The following PCID2 variants were observed in gnomAD, a reference collection of about 807,000 sequenced individuals.
PCID2 encodes the protein PCI domain-containing protein 2.
Under a neutral mutation model 61.3 loss-of-function variants are expected in PCID2, and 41 were observed. That is an observed-to-expected ratio of 0.67 (90% CI 0.52 to 0.87). The LOEUF (loss-of-function observed/expected upper bound fraction) is 0.87, where lower values mean the gene tolerates loss of function less well. Among genes scored for constraint, PCID2 ranks in the 40% least tolerant of loss-of-function variants. PCID2 has a pLI of 0.00. For synonymous variants in PCID2, 187 were observed against 177.8 expected, an observed-to-expected ratio of 1.05 and a Z score of -0.41; for missense variants, 392 against 493.4, an observed-to-expected ratio of 0.79 and a Z score of 1.95.
downstream of PCID2, among the ~76,000 whole-genome samples, chr13:113,176,022 C>A (rs1164728590): frequency 1.3e-5 from 2 of 152,260 alleles, no homozygotes; most frequent in South Asian, 4.1e-4. Flanking sequence ...AGCTTCCCCG[C>A]CCAGCCCGGA....
At chr13:113,185,450 T>C (rs771919844) in intron 8 of PCID2, 35 bp downstream of exon 8, 3 of 1,499,722 alleles carry the variant, frequency 2.0e-6, no homozygotes, top group African/African-American at 2.8e-5. Context: ...CAATCGAAAA[T>C]TGTAAAGACA....
intron 1 of PCID2, among the ~76,000 whole-genome samples, chr13:113,206,949 T>C (rs2039902870): frequency 6.6e-6 from 1 of 152,230 alleles, no homozygotes. Flanking sequence ...TTTGTATCTT[T>C]AACCCAAATC....
chr13:113,180,227 T>G lies in PCID2; in HGVS notation c.791A>C (p.His264Pro), dbSNP rs1260910828. The change falls in exon 11 of 14, where the codon CAC becomes CCC. Residue 264 changes from histidine (H) to proline (P), a missense_variant. Coordinates refer to ENST00000337344, the MANE Select transcript of PCID2 (RefSeq NM_001127202.4). Reference sequence around the variant, plus strand: ...TTTCAGGAGCTCCACAGTGGGCATGTGACCCTAAGAGTCAATTTTCCAGAA... The same window carrying G: ...TTTCAGGAGCTCCACAGTGGGCATGGGACCCTAAGAGTCAATTTTCCAGAA... ...YLLPVKMLLG[H>P]MPTVELLKKY... 4 of 1,611,662 alleles carry G rather than the reference T, an allele frequency of 2.5e-6. No individual in the cohort carries two copies. In the South Asian group the frequency reaches 4.4e-5, roughly 18 times the overall value.
rs1250516926 is a variant in PCID2, at chr13:113,190,938, A to G, written c.401T>C (p.Val134Ala). 6.2e-7 allele frequency: 1 copy of G among 1,613,550 alleles called. No homozygotes were observed. Among genetic ancestry groups the G allele is most frequent in the Admixed American group, 1.7e-5 (1 of 59,952 alleles). The change falls in exon 7 of 14, where the codon GTT becomes GCT. Residue 134 changes from valine (V) to alanine (A), a missense_variant. Physicochemically the swap from Val to Ala is moderately conservative, Grantham distance 64 (BLOSUM62 0). Around this residue, in one of 3 missense-constraint regions of PCID2, gnomAD observed 155 missense variants for 164.9 expected, o/e 0.94. Transcript: ENST00000337344. ...TGCTGCTTTTTCCAACATGTCCCCA[A>G]CTTTGCTTTTTCCTTTCTTTACCAA... ...QQLVKKGKSK[V>A]GDMLEKAAEL...
intron 5 of PCID2, 130 bp downstream of exon 5, chr13:113,196,051 T>C: frequency 1.5e-6 from 1 of 673,006 alleles, no homozygotes; most frequent in Non-Finnish European, 2.7e-6. Flanking sequence ...GATATTACCA[T>C]ATGTCAACAC....
chr13:113,198,398 C>CA lies in PCID2; in HGVS notation c.127-135dup, dbSNP rs2039175502. On this transcript the variant is annotated intron_variant, in intron 2 of 13. Transcript: ENST00000337344. Reference sequence around the variant, plus strand: ...GTTCACAGTAACACTTTATATTTACCACTCTAAATAAAAGGTTCAGGCCGT... The same window carrying CA: ...GTTCACAGTAACACTTTATATTTACCAACTCTAAATAAAAGGTTCAGGCCGT... 6.3e-5 allele frequency: 37 copies of CA among 591,112 alleles called. 1 individual carries two copies. In the South Asian group the frequency reaches 8.0e-4, roughly 13 times the overall value. 36.6% of individuals were successfully genotyped at this position (591,112 alleles called of 1,614,324 possible). A position where few individuals can be genotyped will look rare whatever the true frequency, so the allele number is the denominator to read the frequency against.
Position 113,208,583 on chromosome 13 carries a change from C to T in PCID2, c.36+16G>A. 1.9e-6 allele frequency: 3 copies of T among 1,607,312 alleles called. No individual in the cohort carries two copies. Among genetic ancestry groups the T allele is most frequent in the East Asian group, 2.2e-5 (1 of 44,566 alleles). On this transcript the variant is annotated intron_variant, in intron 1 of 13. Coordinates refer to ENST00000337344, the MANE Select transcript of PCID2 (RefSeq NM_001127202.4). Reference sequence around the variant, plus strand: ...GGGCCAACCACGCCGCCGCGCGCTCCCCGGCTAGGACCCACCTGCTGCAGG... The same window carrying T: ...GGGCCAACCACGCCGCCGCGCGCTCTCCGGCTAGGACCCACCTGCTGCAGG...
At chr13:113,196,960 C>T (rs2039059316) in intron 4 of PCID2, 2 of 1,197,068 alleles carry the variant, frequency 1.7e-6, no homozygotes, top group East Asian at 2.3e-5. Context: ...TCTTCCTAAC[C>T]AGTGTTCTTC....
chr13:113,188,288 C>A (rs1278357742), intron 7 of PCID2: 1 of 152,234 alleles, frequency 6.6e-6, no homozygotes, highest in Middle Eastern at 3.2e-3. Context: ...TACAGTCCAG[C>A]CTTGGTACGA....
chr13:113,190,713 C>T, intron 7 of PCID2, 159 bp downstream of exon 7: 1 of 448,694 alleles, frequency 2.2e-6, no homozygotes, highest in Non-Finnish European at 3.9e-6. Context: ...CTTTACAAAA[C>T]AATCAACTTT....
rs574876654 is a variant in PCID2, at chr13:113,183,663, A to T, written c.685+683T>A. 76 of 586,508 alleles carry T rather than the reference A, an allele frequency of 1.3e-4. 1 individual carries two copies. The South Asian group carries it at 2.1e-3, about 16-fold the overall frequency. The allele number at this position is 586,508 out of a possible 1,614,324, so 36.3% of individuals were successfully genotyped here. ...ATGTACTTGGGACTGTGTGCTCCACAAACAGCTGAAGAAGAGTTTAAAGTC... is the reference window on the plus strand; with the variant it reads ...ATGTACTTGGGACTGTGTGCTCCACTAACAGCTGAAGAAGAGTTTAAAGTC... On this transcript the variant is annotated intron_variant, in intron 9 of 13. Transcript: ENST00000337344.
At position 113,208,527 on chromosome 13, in the gene PCID2, A is replaced by G. The variant is rs1013811140; in HGVS notation, c.36+72T>C. ...GGGAAAGGAAAAGGCCTGAGGGTCC[A>G]AGGCAGGAGGGGACACACGGAACAC... is the stretch of plus-strand genomic sequence containing the variant. On this transcript the variant is annotated intron_variant, in intron 1 of 13. Coordinates refer to ENST00000337344, the MANE Select transcript of PCID2 (RefSeq NM_001127202.4). 2.4e-5 allele frequency: 38 copies of G among 1,574,252 alleles called. 2 individuals carry two copies. Among genetic ancestry groups the G allele is most frequent in the Non-Finnish European group, 6.9e-6 (8 of 1,160,892 alleles).
downstream of PCID2, among the ~76,000 whole-genome samples, chr13:113,175,355 G>A (rs547348632): frequency 1.3e-5 from 2 of 152,242 alleles, no homozygotes; most frequent in East Asian, 3.9e-4. Flanking sequence ...GGTTCAATAC[G>A]TTACCCAGAA....
the PCID2 span, among the ~76,000 whole-genome samples, chr13:113,165,349 C>T: frequency 4.6e-5 from 7 of 152,204 alleles, no homozygotes; most frequent in African/African-American, 9.6e-5. Context: ...CTTTCCTCTG[C>T]AGTTCCAAAC....
intron 2 of PCID2, among the ~76,000 whole-genome samples, chr13:113,200,134 G>A (rs1047908311): frequency 1.3e-5 from 2 of 152,130 alleles, no homozygotes; most frequent in Non-Finnish European, 2.9e-5. Context: ...GGGACGCACA[G>A]GCCTAGACAG....
chr13:113,208,210 C>T lies in PCID2; in HGVS notation c.36+389G>A. 3 of 1,536,834 alleles carry T rather than the reference C, an allele frequency of 2.0e-6. No individual in the cohort carries two copies. The Admixed American group carries it at 5.5e-5, about 28-fold the overall frequency. ...GTCCCCGAATTCATCCCGCATCCTG[C>T]TGGGAAACAGCGTCCATCCGACACA... On this transcript the variant is annotated intron_variant, in intron 1 of 13. Coordinates refer to ENST00000337344, the MANE Select transcript of PCID2 (RefSeq NM_001127202.4).
rs1404369378 is a variant in PCID2 at position 113,184,378 on chromosome 13, C to T, written c.653G>A (p.Arg218His). ...AAAATCGCTGTCAAACATAGCCTTG[C>T]GTCCAACGTAGTATTTGTATGTTAC... ...QRVTYKYYVG[R>H]KAMFDSDFKQ... is the part of the protein sequence containing the mutation. Residue 218 changes from arginine to histidine, a missense_variant, in exon 9 of 14, where the codon CGC (arginine) becomes CAC (histidine). Arg to His is a conservative substitution (Grantham distance 29, BLOSUM62 0). Transcript: ENST00000337344. 4 of 1,613,138 alleles carry T rather than the reference C, an allele frequency of 2.5e-6. No homozygotes were observed. The highest frequency in any genetic ancestry group is 2.2e-5 in the East Asian group (1 of 44,860).
Position 113,181,218 on chromosome 13 carries a change from A to G in PCID2, c.698T>C (p.Leu233Pro). The part of the protein sequence containing the change: ...DSDFKQAEEY[L>P]SFAFEHCHRS... ...GTGACAATGCTCAAAGGCAAATGAC[A>G]GGTACTCCTCAGCTGCAAAGAAGGC... Residue 233 changes from leucine to proline, a missense_variant, in exon 10 of 14, where the codon CTG (leucine) becomes CCG (proline). This residue lies in a region of PCID2 where 226 missense variants were observed against 296.5 expected (regional missense o/e 0.76). Transcript: ENST00000337344. 1 of 1,611,934 alleles carries G rather than the reference A, an allele frequency of 6.2e-7. No individual in the cohort carries two copies. Among genetic ancestry groups the G allele is most frequent in the Non-Finnish European group, 8.5e-7 (1 of 1,178,086 alleles).
the PCID2 span, among the ~76,000 whole-genome samples, chr13:113,168,672 T>C: frequency 2.6e-5 from 4 of 152,238 alleles, no homozygotes; most frequent in Admixed American, 2.6e-4. Context: ...ATAGGGTTTG[T>C]TGAGATTCTT....
Sources: gnomAD v4.1 joint callset for allele counts (sites outside exome capture counted in the v4.1 genomes callset) on GRCh38, gnomAD v4.1.1 for gene constraint, gnomAD v4.1.1 regional missense constraint, MANE v1.5 for transcripts, NCBI Gene and HGNC (gene_info 2026-07-23, HGNC 2026-07-21) for gene names.